LRRIQ1: variants seen among roughly 807,000 people sequenced by gnomAD.
The protein encoded by LRRIQ1 is leucine-rich repeat- and IQ domain-containing protein 1.
A neutral mutation model predicts 211.9 loss-of-function variants in LRRIQ1; 210 were observed. That is an observed-to-expected ratio of 0.99 (90% CI 0.89 to 1.11). LRRIQ1 has a LOEUF of 1.11. LRRIQ1 is among the 50% of genes most tolerant of loss of function. The probability of loss-of-function intolerance (pLI) is 0.00; values close to 1 mark genes in which losing one functional copy is unlikely to be tolerated. For synonymous variants in LRRIQ1, 699 were observed against 650.1 expected (o/e 1.08, Z -1.14); for missense variants, 2,136 against 1,939.5 (o/e 1.10, Z -1.90).
At chr12:85,206,621 G>A (rs1431495884) in intron 24 of LRRIQ1, among the ~76,000 whole-genome samples, 1 of 152,054 alleles carries the variant, frequency 6.6e-6, no homozygotes, top group Admixed American at 6.5e-5. Flanking sequence ...TAGCAAAGTG[G>A]CACAGAGGAG....
chr12:85,178,368 T>C (rs1891819327), intron 24 of LRRIQ1, among the ~76,000 whole-genome samples: 1 of 152,112 alleles, frequency 6.6e-6, no homozygotes. Flanking sequence ...CGTTCATCTG[T>C]CTTTAATCCT....
intron 19 of LRRIQ1, among the ~76,000 whole-genome samples, chr12:85,140,030 G>A (rs1889411018): frequency 6.6e-6 from 1 of 150,956 alleles, no homozygotes; most frequent in Admixed American, 6.6e-5. Flanking sequence ...TCTATGTAAT[G>A]AAAAAAACTA....
At chr12:85,246,772 TTAGAAGAGTAGAG>T (rs1427074613), downstream of LRRIQ1, among the ~76,000 whole-genome samples, 1 of 151,450 alleles carries the variant, frequency 6.6e-6, no homozygotes, top group African/African-American at 2.4e-5. Context: ...GCAAACTACT[TTAGAAGAGTAGAG>T]TTTTAAAAAA....
At chr12:85,243,201 GT>G (rs11397838) in intron 26 of LRRIQ1, among the ~76,000 whole-genome samples, 27 of 139,302 alleles carry the variant, frequency 1.9e-4, no homozygotes, top group South Asian at 1.1e-3. Context: ...ACTTTTGACT[GT>G]TTTTTTTTTT....
At chr12:85,164,427 T>C (rs1891051497) in intron 24 of LRRIQ1, among the ~76,000 whole-genome samples, 1 of 152,202 alleles carries the variant, frequency 6.6e-6, no homozygotes, top group Admixed American at 6.5e-5. Context: ...TACTTAGGCA[T>C]GGGGAGTATT....
chr12:85,155,615 A>G (rs1890499207), intron 23 of LRRIQ1, among the ~76,000 whole-genome samples: 3 of 151,706 alleles, frequency 2.0e-5, no homozygotes, highest in African/African-American at 7.2e-5. Flanking sequence ...AGGTGGTTTA[A>G]GAACTGATTC....
At chr12:85,138,560 G>T (rs1036740267) in intron 19 of LRRIQ1, among the ~76,000 whole-genome samples, 1 of 151,410 alleles carries the variant, frequency 6.6e-6, no homozygotes, top group African/African-American at 2.4e-5. Flanking sequence ...CTGCAGGAAG[G>T]TGATGAAGTT....
Position 85,057,008 on chromosome 12 carries a change from G to C in LRRIQ1, c.2215G>C (p.Glu739Gln). 1 of 1,605,542 alleles carries C rather than the reference G, an allele frequency of 6.2e-7. No individual in the cohort carries two copies. The highest frequency in any genetic ancestry group is 8.5e-7 in the Non-Finnish European group (1 of 1,177,304). ...VSESTLLYSI[E>Q]ERRLAWIKSF... ...AGAGTCAACCCTTCTATATTCTATT[G>C]AAGAAAGGAGACTAGCCTGGATAAA... The change falls in exon 8 of 27, where the codon GAA (glutamate) becomes CAA (glutamine). Residue 739 changes from glutamate (E) to glutamine (Q), a missense_variant. Glu to Gln is a conservative substitution (Grantham distance 29, BLOSUM62 2). Transcript: ENST00000393217.
At chr12:85,126,333 GA>G (rs1281609869) in intron 17 of LRRIQ1, among the ~76,000 whole-genome samples, 1 of 151,998 alleles carries the variant, frequency 6.6e-6, no homozygotes, top group Non-Finnish European at 1.5e-5. Context: ...TGTCTATAAA[GA>G]AATATAAGAT....
chr12:85,154,304 T>TC (rs1890425509), intron 23 of LRRIQ1, among the ~76,000 whole-genome samples: 1 of 151,226 alleles, frequency 6.6e-6, no homozygotes, highest in South Asian at 2.1e-4. Context: ...TTTTACTTTT[T>TC]CGGCTCTTTC....
At chr12:85,143,910 C>A (rs1235830886) in intron 19 of LRRIQ1, among the ~76,000 whole-genome samples, 1 of 151,432 alleles carries the variant, frequency 6.6e-6, no homozygotes, top group African/African-American at 2.4e-5. Flanking sequence ...GAACTGAAAT[C>A]TTTTTAAAAT....
In LRRIQ1 at chr12:85,137,980, A is replaced by G; in HGVS notation, c.4329+11A>G. The G allele has an allele frequency of 7.7e-7, 1 of 1,304,936 alleles. No homozygotes were observed. The allele number at this position is 1,304,936 out of a possible 1,614,324, so 80.8% of individuals were successfully genotyped here. ...TTTATATTTGATGAAGTAAGTACGA[A>G]CTATAGTATATAAATATTGGTCTTA... On this transcript the variant is annotated intron_variant, in intron 19 of 26. Coordinates refer to ENST00000393217, the MANE Select transcript of LRRIQ1 (RefSeq NM_001079910.2).
intron 1 of LRRIQ1, among the ~76,000 whole-genome samples, chr12:85,261,765 T>TTTTATTTATTTATTTATTTATTTA (rs375693906): frequency 1.4e-5 from 2 of 139,608 alleles, no homozygotes; most frequent in Non-Finnish European, 3.0e-5. Context: ...TTTTTGTTTA[T>TTTTATTTATTTATTTATTTATTTA]TTTATTTATT....
intron 8 of LRRIQ1, among the ~76,000 whole-genome samples, chr12:85,064,358 A>G (rs1277558595): frequency 1.3e-5 from 2 of 151,780 alleles, no homozygotes; most frequent in East Asian, 1.9e-4. Context: ...TGCCCATTTT[A>G]GATTGGATTA....
rs148819112 is a variant in LRRIQ1 at position 85,049,790 on chromosome 12, A to G, written c.678+2320A>G. ...AAACTGTTCTTGAGGAAGATAACCAATGACTTCTATATATTATACTCACAG... is the reference window on the plus strand; with the variant it reads ...AAACTGTTCTTGAGGAAGATAACCAGTGACTTCTATATATTATACTCACAG... On this transcript the variant is annotated intron_variant, in intron 6 of 26. Coordinates refer to ENST00000393217, the MANE Select transcript of LRRIQ1 (RefSeq NM_001079910.2). Among the ~76,000 whole-genome samples, 294 of 152,284 alleles carry G rather than the reference A, an allele frequency of 1.9e-3. 1 individual carries two copies. Among genetic ancestry groups the G allele is most frequent in the Middle Eastern group, 0.01 (3 of 294 alleles).
At chr12:85,180,228 G>A (rs1891909724) in intron 24 of LRRIQ1, among the ~76,000 whole-genome samples, 1 of 151,724 alleles carries the variant, frequency 6.6e-6, no homozygotes, top group Admixed American at 6.6e-5. Context: ...TGAGGTTATG[G>A]ACCCTGAAAA....
Position 85,137,904 on chromosome 12 carries a change from A to G in LRRIQ1, c.4264A>G (p.Ile1422Val), listed in dbSNP as rs763842615. The G allele has an allele frequency of 2.5e-6, 4 of 1,580,720 alleles. No homozygotes were observed. Among genetic ancestry groups the G allele is most frequent in the Admixed American group, 3.5e-5 (2 of 57,498 alleles). The stretch of plus-strand genomic sequence containing the variant: ...GAAACTGACAACAGCTCTAGAGGCT[A>G]TTAAGAATGAAGAATCCGATGAAGA... ...RKKLTTALEA[I>V]KNEESDEEYR... The change falls in exon 19 of 27, where the codon ATT becomes GTT. Residue 1422 changes from isoleucine (I) to valine (V), a missense_variant. By Grantham distance (29) the Ile-to-Val change is conservative. Transcript: ENST00000393217.
At chr12:85,233,151 G>A (rs1895026064) in intron 26 of LRRIQ1, 2 of 224,232 alleles carry the variant, frequency 8.9e-6, no homozygotes, top group Admixed American at 1.1e-4. Context: ...ACAAATAATT[G>A]TGAGCTCAAC....
chr12:85,180,120 A>G (rs566200443), intron 24 of LRRIQ1, among the ~76,000 whole-genome samples: 21 of 152,084 alleles, frequency 1.4e-4, no homozygotes, highest in African/African-American at 4.8e-4. Context: ...CAGTGTTCAC[A>G]TTCAAGCTAT....
Sources: allele counts gnomAD v4.1 joint callset (sites outside exome capture counted in the v4.1 genomes callset), GRCh38; gene constraint gnomAD v4.1.1; transcripts MANE v1.5; gene names NCBI Gene and HGNC (gene_info 2026-07-23, HGNC 2026-07-21).